The following PARP8 variants were observed in gnomAD, a reference collection of about 807,000 sequenced individuals.
The protein encoded by PARP8 is protein mono-ADP-ribosyltransferase PARP8.
Under a neutral mutation model 124.1 loss-of-function variants are expected in PARP8, and 51 were observed. The ratio of observed to expected loss-of-function variants is 0.41; its 90% CI spans 0.33 to 0.52. The LOEUF (loss-of-function observed/expected upper bound fraction) is 0.52, where lower values mean the gene tolerates loss of function less well. PARP8 is among the 20% of genes least tolerant of loss of function. PARP8 has a pLI of 0.21. For missense variants in PARP8, 860 were observed against 1,018.9 expected, an observed-to-expected ratio of 0.84 and a Z score of 2.12; for synonymous variants, 391 against 361.5, an observed-to-expected ratio of 1.08 and a Z score of -0.93.
intron 7 of PARP8, among the ~76,000 whole-genome samples, chr5:50,765,281 A>T (rs952349654): frequency 1.4e-4 from 21 of 152,044 alleles, no homozygotes; most frequent in African/African-American, 5.1e-4. Flanking sequence ...AAAGAAAGAA[A>T]TATTTTTGTT....
intron 9 of PARP8, among the ~76,000 whole-genome samples, chr5:50,786,107 C>G (rs1443293417): frequency 6.6e-6 from 1 of 151,558 alleles, no homozygotes; most frequent in Non-Finnish European, 1.5e-5. Context: ...CAGTTTGGAC[C>G]CTAACACTCT....
intron 2 of PARP8, among the ~76,000 whole-genome samples, chr5:50,724,124 C>G (rs1756178678): frequency 6.6e-6 from 1 of 152,052 alleles, no homozygotes. Flanking sequence ...AAACATCTAA[C>G]TGTAAAATGA....
intron 2 of PARP8, among the ~76,000 whole-genome samples, chr5:50,740,201 G>C (rs1456396784): frequency 6.6e-6 from 1 of 152,110 alleles, no homozygotes; most frequent in Non-Finnish European, 1.5e-5. Context: ...ATATTAATAA[G>C]TCATACAATC....
At chr5:50,689,374 T>C (rs1752248709) in intron 2 of PARP8, among the ~76,000 whole-genome samples, 2 of 152,216 alleles carry the variant, frequency 1.3e-5, no homozygotes, top group African/African-American at 4.8e-5. Flanking sequence ...CTTATTCTTA[T>C]TCTCTGTATC....
chr5:50,689,031 G>GTT (rs1752193218), intron 2 of PARP8, among the ~76,000 whole-genome samples: 1 of 99,770 alleles, frequency 1.0e-5, no homozygotes. Context: ...TTTTTTTTTT[G>GTT]ATTTTTTTTT....
At chr5:50,737,411 A>T (rs1254884005) in intron 2 of PARP8, among the ~76,000 whole-genome samples, 1 of 150,782 alleles carries the variant, frequency 6.6e-6, no homozygotes, top group Non-Finnish European at 1.5e-5. Flanking sequence ...CATGAGAATA[A>T]GGGTACTCAT....
At chr5:50,832,711 T>C in intron 22 of PARP8, 70 bp from the exon 23 acceptor site, 2 of 1,453,384 alleles carry the variant, frequency 1.4e-6, no homozygotes, top group Non-Finnish European at 1.9e-6. Context: ...CTTTGCATAG[T>C]AGGTCGATTG....
intron 14 of PARP8, among the ~76,000 whole-genome samples, chr5:50,802,402 A>G (rs1432862644): frequency 6.6e-6 from 1 of 152,182 alleles, no homozygotes; most frequent in South Asian, 2.1e-4. Flanking sequence ...GAAGCCTCCA[A>G]CTTCTGGGCT....
intron 12 of PARP8, among the ~76,000 whole-genome samples, chr5:50,796,168 T>C (rs529157544): frequency 1.3e-5 from 2 of 152,336 alleles, no homozygotes; most frequent in South Asian, 4.1e-4. Flanking sequence ...GATGAAAAGT[T>C]TTGTTTCCTT....
intron 1 of PARP8, chr5:50,667,828 G>C (rs1185251233): frequency 5.8e-6 from 7 of 1,216,788 alleles, no homozygotes; most frequent in Non-Finnish European, 8.1e-6. Context: ...CTCCCCTATC[G>C]GGAAATTCCC....
intron 2 of PARP8, among the ~76,000 whole-genome samples, chr5:50,723,033 T>C (rs1354924180): frequency 6.6e-6 from 1 of 152,142 alleles, no homozygotes; most frequent in Non-Finnish European, 1.5e-5. Context: ...AGTTATTAAA[T>C]CTTGCCCAGC....
intron 7 of PARP8, among the ~76,000 whole-genome samples, chr5:50,776,978 C>G (rs1740101874): frequency 6.6e-6 from 1 of 152,120 alleles, no homozygotes; most frequent in African/African-American, 2.4e-5. Flanking sequence ...TTAGTTTTCT[C>G]ATCTGCAAAA....
chr5:50,706,935 G>C (rs1447221111), intron 2 of PARP8, among the ~76,000 whole-genome samples: 1 of 151,978 alleles, frequency 6.6e-6, no homozygotes, highest in Non-Finnish European at 1.5e-5. Context: ...ATTGATTTCT[G>C]TAATTTTCAT....
chr5:50,757,054 C>A (rs282550), intron 3 of PARP8: 359,689 of 408,722 alleles, frequency 0.88, 158,777 homozygotes, highest in East Asian at 0.96. Context: ...TGTGTACCTC[C>A]GTTTCTTTAT....
chr5:50,841,601 A>G (rs1401626938), intron 25 of PARP8, among the ~76,000 whole-genome samples: 1 of 151,884 alleles, frequency 6.6e-6, no homozygotes, highest in Non-Finnish European at 1.5e-5. Context: ...TAGAATTAAG[A>G]AGTCCAGAAT....
At chr5:50,700,559 A>G (rs1264528809) in intron 2 of PARP8, among the ~76,000 whole-genome samples, 2 of 152,224 alleles carry the variant, frequency 1.3e-5, no homozygotes, top group Non-Finnish European at 2.9e-5. Flanking sequence ...AATGCAGTGA[A>G]ATTGGAGACT....
chr5:50,754,982 C>T (rs1363146046), intron 3 of PARP8, among the ~76,000 whole-genome samples: 1 of 152,156 alleles, frequency 6.6e-6, no homozygotes, highest in Non-Finnish European at 1.5e-5. Context: ...TAAATGTCTT[C>T]TTTTGAGAAG....
intron 9 of PARP8, among the ~76,000 whole-genome samples, chr5:50,781,169 CACT>C (rs1437923940): frequency 2.0e-5 from 3 of 152,110 alleles, no homozygotes; most frequent in Non-Finnish European, 4.4e-5. Context: ...TCTTCTGCTC[CACT>C]GAGTGAATTT....
At chr5:50,755,295 A>T (rs1759802146) in intron 3 of PARP8, among the ~76,000 whole-genome samples, 1 of 152,110 alleles carries the variant, frequency 6.6e-6, no homozygotes, top group East Asian at 1.9e-4. Flanking sequence ...ATTTTCTTCT[A>T]GGGTTTTTAT....
Sources: gnomAD v4.1 joint callset for allele counts (sites outside exome capture counted in the v4.1 genomes callset) on GRCh38, gnomAD v4.1.1 for gene constraint, MANE v1.5 for transcripts, NCBI Gene and HGNC (gene_info 2026-07-23, HGNC 2026-07-21) for gene names.